TTC28: variants seen among roughly 807,000 people sequenced by gnomAD.
TTC28 encodes the protein tetratricopeptide repeat domain 28, also known as tetratricopeptide repeat protein 28.
TTC28 carries 61 observed loss-of-function variants against 198.0 expected under a neutral mutation model. The observed-to-expected ratio is 0.31, with a 90% confidence interval of 0.25 to 0.38. The LOEUF (loss-of-function observed/expected upper bound fraction) is 0.38. TTC28 is among the 10% of genes least tolerant of loss of function. The probability of loss-of-function intolerance (pLI) is 1.00; values close to 1 mark genes in which losing one functional copy is unlikely to be tolerated. For synonymous variants in TTC28, 1,171 were observed against 1,297.8 expected, an observed-to-expected ratio of 0.90 and a Z score of 2.10; for missense variants, 2,678 against 3,164.0, an observed-to-expected ratio of 0.85 and a Z score of 3.69.
chr22:28,111,965 T>C (rs1156401962), intron 6 of TTC28, among the ~76,000 whole-genome samples: 2 of 152,084 alleles, frequency 1.3e-5, no homozygotes, highest in Non-Finnish European at 2.9e-5. Context: ...GGCTAAGCAT[T>C]AGAAAGGCAC....
chr22:28,015,274 C>G (rs896391289), intron 13 of TTC28, among the ~76,000 whole-genome samples: 1 of 152,122 alleles, frequency 6.6e-6, no homozygotes, highest in Non-Finnish European at 1.5e-5. Context: ...AGGCTGCCCA[C>G]GTGCATCCTC....
intron 5 of TTC28, among the ~76,000 whole-genome samples, chr22:28,245,934 G>A (rs1294160438): frequency 6.6e-6 from 1 of 152,106 alleles, no homozygotes; most frequent in Non-Finnish European, 1.5e-5. Context: ...CCTGTTTCCT[G>A]ACTTATGCTA....
chr22:28,258,100 G>A (rs1437529930), intron 5 of TTC28, among the ~76,000 whole-genome samples: 2 of 151,982 alleles, frequency 1.3e-5, no homozygotes, highest in South Asian at 2.1e-4. Context: ...TACTATAGTT[G>A]GGATACTGAA....
chr22:28,062,050 GTC>G (rs1940563304), intron 12 of TTC28, among the ~76,000 whole-genome samples: 1 of 151,918 alleles, frequency 6.6e-6, no homozygotes, highest in Non-Finnish European at 1.5e-5. Flanking sequence ...TCAACTTTAA[GTC>G]TACTATCTTT....
intron 2 of TTC28, among the ~76,000 whole-genome samples, chr22:28,347,436 CAGAT>C (rs1250677618): frequency 1.3e-5 from 2 of 152,140 alleles, no homozygotes; most frequent in Non-Finnish European, 2.9e-5. Context: ...ATTTTCATCA[CAGAT>C]AGCTTGAGAA....
At chr22:28,162,472 T>C (rs1921324363) in intron 6 of TTC28, among the ~76,000 whole-genome samples, 1 of 152,202 alleles carries the variant, frequency 6.6e-6, no homozygotes, top group Non-Finnish European at 1.5e-5. Context: ...AAACCAAACA[T>C]AGCCTATATC....
chr22:28,610,177 C>A (rs892107276), intron 2 of TTC28, among the ~76,000 whole-genome samples: 6 of 152,184 alleles, frequency 3.9e-5, no homozygotes, highest in African/African-American at 1.2e-4. Context: ...CAGACTTAAA[C>A]GTCCCTGCCT....
chr22:28,555,706 G>C (rs377662444), intron 2 of TTC28, among the ~76,000 whole-genome samples: 52 of 152,166 alleles, frequency 3.4e-4, no homozygotes, highest in African/African-American at 1.1e-3. Context: ...AGGGTGGGGG[G>C]TGCTGAGGGA....
intron 2 of TTC28, among the ~76,000 whole-genome samples, chr22:28,489,863 G>C (rs1219005998): frequency 2.6e-5 from 4 of 152,114 alleles, no homozygotes; most frequent in Non-Finnish European, 5.9e-5. Context: ...GGATAGATAG[G>C]TATATAAAGG....
At chr22:28,121,633 A>T (rs967691375) in intron 6 of TTC28, among the ~76,000 whole-genome samples, 10 of 152,368 alleles carry the variant, frequency 6.6e-5, no homozygotes, top group African/African-American at 2.2e-4. Context: ...AATTTCTGTT[A>T]TGAAAATACT....
chr22:28,494,589 T>C (rs1310866953), intron 2 of TTC28, among the ~76,000 whole-genome samples: 1 of 152,196 alleles, frequency 6.6e-6, no homozygotes, highest in Non-Finnish European at 1.5e-5. Context: ...TTGTTCATCC[T>C]ATAAAAGCCT....
chr22:28,590,422 C>A (rs915626875), intron 2 of TTC28, among the ~76,000 whole-genome samples: 2 of 152,086 alleles, frequency 1.3e-5, no homozygotes, highest in African/African-American at 4.8e-5. Flanking sequence ...AGCCACCACG[C>A]CCAGCCTCCA....
At chr22:28,221,477 G>C (rs956900730) in intron 5 of TTC28, among the ~76,000 whole-genome samples, 1 of 152,216 alleles carries the variant, frequency 6.6e-6, no homozygotes, top group African/African-American at 2.4e-5. Context: ...AGCTAAGCAA[G>C]AGAAGACAAG....
intron 5 of TTC28, among the ~76,000 whole-genome samples, chr22:28,164,585 T>C (rs941971287): frequency 6.6e-6 from 1 of 152,202 alleles, no homozygotes; most frequent in Non-Finnish European, 1.5e-5. Flanking sequence ...CTGAGGGTCC[T>C]GACTGTTAGA....
intron 6 of TTC28, among the ~76,000 whole-genome samples, chr22:28,141,658 A>C (rs1404196645): frequency 6.6e-6 from 1 of 152,200 alleles, no homozygotes; most frequent in African/African-American, 2.4e-5. Flanking sequence ...AACCCTTTAC[A>C]ACTGTAGCAG....
chr22:28,448,868 C>G (rs188370726), intron 2 of TTC28, among the ~76,000 whole-genome samples: 92 of 152,246 alleles, frequency 6.0e-4, no homozygotes, highest in African/African-American at 2.1e-3. Flanking sequence ...TCCAGAAAGG[C>G]TGAAGTTCCA....
At chr22:28,471,261 G>A (rs1319724586) in intron 2 of TTC28, among the ~76,000 whole-genome samples, 4 of 152,096 alleles carry the variant, frequency 2.6e-5, no homozygotes, top group African/African-American at 9.7e-5. Flanking sequence ...ATTAGGTGCT[G>A]GAACTCTTTG....
chr22:28,402,062 G>A (rs2046919862), intron 2 of TTC28, among the ~76,000 whole-genome samples: 1 of 152,162 alleles, frequency 6.6e-6, no homozygotes, highest in South Asian at 2.1e-4. Context: ...ACTTAAATAT[G>A]TACTCCCAAA....
intron 5 of TTC28, among the ~76,000 whole-genome samples, chr22:28,266,213 C>T (rs1931676801): frequency 6.6e-6 from 1 of 151,472 alleles, no homozygotes; most frequent in East Asian, 1.9e-4. Context: ...TTTTGTGGGG[C>T]TTAAATTAAA....
Sources: allele counts gnomAD v4.1 joint callset (sites outside exome capture counted in the v4.1 genomes callset), GRCh38; gene constraint gnomAD v4.1.1; transcripts MANE v1.5; gene names NCBI Gene and HGNC (gene_info 2026-07-23, HGNC 2026-07-21).